The following SSH2 variants were observed in gnomAD, a reference collection of about 807,000 sequenced individuals.
The protein encoded by SSH2 is slingshot protein phosphatase 2.
Under a neutral mutation model 135.2 loss-of-function variants are expected in SSH2, and 37 were observed. That is an observed-to-expected ratio of 0.27 (90% CI 0.21 to 0.36). The LOEUF (loss-of-function observed/expected upper bound fraction) is 0.36. Among genes scored for constraint, SSH2 ranks in the 10% least tolerant of loss-of-function variants. SSH2 has a pLI of 1.00. For synonymous variants in SSH2, 628 were observed against 646.2 expected (o/e 0.97, Z 0.43); for missense variants, 1,408 against 1,765.3 (o/e 0.80, Z 3.63).
chr17:29,822,167 C>T (rs1311661112), intron 2 of SSH2, among the ~76,000 whole-genome samples: 1 of 152,166 alleles, frequency 6.6e-6, no homozygotes, highest in Non-Finnish European at 1.5e-5. Flanking sequence ...ACAAGCCCAT[C>T]CCCTTCAGCA....
chr17:29,715,587 C>T (rs2039596325), intron 3 of SSH2, among the ~76,000 whole-genome samples: 1 of 152,074 alleles, frequency 6.6e-6, no homozygotes, highest in African/African-American at 2.4e-5. Context: ...AGTCTATTCT[C>T]TTTGCTCCAG....
At chr17:29,835,354 G>A (rs1176027608) in intron 2 of SSH2, among the ~76,000 whole-genome samples, 2 of 152,186 alleles carry the variant, frequency 1.3e-5, no homozygotes, top group Non-Finnish European at 2.9e-5. Flanking sequence ...AAACGGCATT[G>A]CACTGGACTC....
In SSH2 at chr17:29,702,982, C is replaced by T. The variant is rs1180170980; in HGVS notation, c.269G>A (p.Ser90Asn). 1.2e-6 allele frequency: 2 copies of T among 1,613,724 alleles called. No homozygotes were observed. Among genetic ancestry groups the T allele is most frequent in the Admixed American group, 3.3e-5 (2 of 60,006 alleles). ...RGNGSSTPRI[S>N]HRRNKHAGDL... ...ACCTGCATGCTTGTTCCGTCTGTGG[C>T]TGATTCTTGGTGTGGATGAGCCATT... Residue 90 changes from serine (S) to asparagine (N), a missense_variant, in exon 4 of 16, where the codon AGC (serine) becomes AAC (asparagine). Coordinates refer to ENST00000540801, the MANE Select transcript of SSH2 (RefSeq NM_001282129.2).
In SSH2 at chr17:29,784,598, C is replaced by CA. The variant is rs59705618; in HGVS notation, c.188+9295dup. Among the ~76,000 whole-genome samples, 1,008 of 138,522 alleles carry CA rather than the reference C, an allele frequency of 7.3e-3. 19 individuals are homozygous for CA. Among genetic ancestry groups the CA allele is most frequent in the Admixed American group, 0.042 (566 of 13,618 alleles). The allele number at this position is 138,522 out of a possible 152,430, so 90.9% of individuals were successfully genotyped here. ...TGGGTGACAGAGCTAGACTCCTTCT[C>CA]AAAAAAAAAAAAAAGAATAATTAGG... On this transcript the variant is annotated intron_variant, in intron 3 of 15. Coordinates refer to ENST00000540801, the MANE Select transcript of SSH2 (RefSeq NM_001282129.2).
chr17:29,772,307 G>A (rs1287142004), intron 3 of SSH2, among the ~76,000 whole-genome samples: 2 of 150,026 alleles, frequency 1.3e-5, no homozygotes, highest in Admixed American at 6.7e-5. Flanking sequence ...GTGCAGTGGC[G>A]TGATCTCGGC....
At chr17:29,738,990 TTAAA>T (rs1474217880) in intron 3 of SSH2, among the ~76,000 whole-genome samples, 1 of 152,200 alleles carries the variant, frequency 6.6e-6, no homozygotes, top group African/African-American at 2.4e-5. Context: ...ATATATTTAA[TTAAA>T]TAATCACTTT....
chr17:29,722,734 G>A (rs1598878429), intron 3 of SSH2, among the ~76,000 whole-genome samples: 1 of 152,280 alleles, frequency 6.6e-6, no homozygotes, highest in South Asian at 2.1e-4. Context: ...GAAAAGTGGG[G>A]AGGGGCAGTA....
intron 2 of SSH2, among the ~76,000 whole-genome samples, chr17:29,810,197 C>CTGAT (rs10628961): frequency 0.44 from 67,130 of 151,748 alleles, 15,165 homozygotes; most frequent in Non-Finnish European, 0.48. Flanking sequence ...TGCAAACACC[C>CTGAT]TGATTTAAAA....
intron 1 of SSH2, among the ~76,000 whole-genome samples, chr17:29,849,517 CT>C (rs1199190881): frequency 1.3e-5 from 2 of 150,702 alleles, no homozygotes; most frequent in African/African-American, 4.9e-5. Context: ...GCTGCTAATC[CT>C]TTGTAGTATG....
intron 2 of SSH2, among the ~76,000 whole-genome samples, chr17:29,837,783 C>G (rs1568005217): frequency 1.3e-5 from 2 of 152,250 alleles, no homozygotes; most frequent in South Asian, 4.1e-4. Flanking sequence ...CTGCATCTTG[C>G]CCGCTGCCAC....
chr17:29,716,783 T>C, intron 3 of SSH2: 1 of 423,660 alleles, frequency 2.4e-6, no homozygotes, highest in Non-Finnish European at 4.5e-6. Context: ...TTTCTTCCCT[T>C]GCCAGTCAAT....
At chr17:29,658,078 A>G (rs540493689) in intron 11 of SSH2, among the ~76,000 whole-genome samples, 1 of 148,294 alleles carries the variant, frequency 6.7e-6, no homozygotes, top group Admixed American at 6.8e-5. Context: ...ATCTCGGCTC[A>G]CCGCAACCTC....
chr17:29,817,643 T>C (rs574253987), intron 2 of SSH2, among the ~76,000 whole-genome samples: 31 of 152,340 alleles, frequency 2.0e-4, no homozygotes, highest in Admixed American at 1.2e-3. Context: ...TCCATATCCA[T>C]GAGGGATTGT....
chr17:29,759,938 C>T (rs2041237435), intron 3 of SSH2, among the ~76,000 whole-genome samples: 1 of 152,114 alleles, frequency 6.6e-6, no homozygotes. Flanking sequence ...ATGACCGTTC[C>T]CGTTTTTAGA....
chr17:29,880,759 T>G (rs532193352), intron 1 of SSH2, among the ~76,000 whole-genome samples: 1 of 152,336 alleles, frequency 6.6e-6, no homozygotes, highest in South Asian at 2.1e-4. Context: ...CAAAGGTTTT[T>G]TCTTCTCCCT....
At chr17:29,799,331 G>T (rs1479779080) in intron 2 of SSH2, among the ~76,000 whole-genome samples, 1 of 152,058 alleles carries the variant, frequency 6.6e-6, no homozygotes, top group African/African-American at 2.4e-5. Flanking sequence ...GTAAATAAAG[G>T]TTCAACTTTA....
Position 29,782,689 on chromosome 17 carries a change from G to A in SSH2, c.188+11205C>T, listed in dbSNP as rs968941948. Among the ~76,000 whole-genome samples, 14 of 152,060 alleles carry A rather than the reference G, an allele frequency of 9.2e-5. 2 individuals are homozygous for A. In the East Asian group the frequency reaches 1.2e-3, roughly 13 times the overall value. On this transcript the variant is annotated intron_variant, in intron 3 of 15. Transcript: ENST00000540801. The stretch of plus-strand genomic sequence containing the variant: ...CAACCTCTGCTTCCTGGGTTCAAGC[G>A]ATTCTCCTGCCTCAGCCTCCCAAGT...
chr17:29,735,797 C>T (rs900248175), intron 3 of SSH2, among the ~76,000 whole-genome samples: 2 of 151,922 alleles, frequency 1.3e-5, no homozygotes, highest in South Asian at 4.2e-4. Context: ...TCCTTCACTC[C>T]CCATTTCTGA....
chr17:29,708,050 G>A (rs576802837), intron 3 of SSH2, among the ~76,000 whole-genome samples: 1 of 152,206 alleles, frequency 6.6e-6, no homozygotes, highest in South Asian at 2.1e-4. Context: ...TCATAGCATG[G>A]AAGTGATAAA....
Sources: gnomAD v4.1 joint callset for allele counts (sites outside exome capture counted in the v4.1 genomes callset) on GRCh38, gnomAD v4.1.1 for gene constraint, MANE v1.5 for transcripts, NCBI Gene and HGNC (gene_info 2026-07-23, HGNC 2026-07-21) for gene names.